PTPRD: variants seen among roughly 807,000 people sequenced by gnomAD.
PTPRD encodes protein tyrosine phosphatase receptor type D, also known as receptor-type tyrosine-protein phosphatase delta.
A neutral mutation model predicts 214.5 loss-of-function variants in PTPRD; 34 were observed. The ratio of observed to expected loss-of-function variants is 0.16; its 90% CI spans 0.12 to 0.21. PTPRD has a LOEUF of 0.21. Ranked by LOEUF, PTPRD falls within the 10% of genes least tolerant of loss-of-function variation. PTPRD has a pLI of 1.00. For missense variants in PTPRD, 2,545 were observed against 2,398.7 expected (o/e 1.06, Z -1.27); for synonymous variants, 1,128 against 845.7 (o/e 1.33, Z -5.79).
intron 14 of PTPRD, among the ~76,000 whole-genome samples, chr9:8,571,284 G>C (rs1429763058): frequency 1.3e-5 from 2 of 152,056 alleles, no homozygotes; most frequent in Non-Finnish European, 2.9e-5. Flanking sequence ...TCCCTTAAGA[G>C]GCAGGGCCAG....
intron 3 of PTPRD, among the ~76,000 whole-genome samples, chr9:10,126,792 G>C (rs1041989289): frequency 1.3e-5 from 2 of 152,098 alleles, no homozygotes; most frequent in African/African-American, 2.4e-5. Flanking sequence ...ATCACTAACT[G>C]ATAAGGTTGT....
intron 6 of PTPRD, among the ~76,000 whole-genome samples, chr9:9,739,161 G>A (rs974933978): frequency 2.0e-5 from 3 of 152,008 alleles, no homozygotes; most frequent in Admixed American, 6.6e-5. Context: ...ATGAATTCAC[G>A]TGTATATGCA....
At chr9:10,258,735 C>T (rs2475332) in intron 3 of PTPRD, among the ~76,000 whole-genome samples, 21,911 of 151,200 alleles carry the variant, frequency 0.14, 1,636 homozygotes, top group Admixed American at 0.16. Flanking sequence ...AGTCAGGTAT[C>T]GTTTTGTATC....
intron 3 of PTPRD, among the ~76,000 whole-genome samples, chr9:10,131,812 T>C (rs1162038410): frequency 6.6e-6 from 1 of 152,160 alleles, no homozygotes; most frequent in African/African-American, 2.4e-5. Context: ...AAAGGTGGAT[T>C]TGATCATTGA....
chr9:10,396,621 G>C (rs2072153770), intron 2 of PTPRD, among the ~76,000 whole-genome samples: 1 of 151,936 alleles, frequency 6.6e-6, no homozygotes, highest in African/African-American at 2.4e-5. Flanking sequence ...TTAGCTCTTA[G>C]ACACCTAGTA....
At chr9:8,433,839 A>T (rs959646881) in intron 35 of PTPRD, among the ~76,000 whole-genome samples, 2 of 152,186 alleles carry the variant, frequency 1.3e-5, no homozygotes, top group Non-Finnish European at 2.9e-5. Flanking sequence ...GCTTAAGTTT[A>T]TAGTGTTTAT....
intron 2 of PTPRD, among the ~76,000 whole-genome samples, chr9:10,494,801 G>A (rs1342840456): frequency 6.6e-6 from 1 of 151,302 alleles, no homozygotes; most frequent in African/African-American, 2.4e-5. Flanking sequence ...TTCAGATACT[G>A]TATATTAAGA....
chr9:9,147,740 A>C (rs1298368284), intron 10 of PTPRD, among the ~76,000 whole-genome samples: 2 of 152,030 alleles, frequency 1.3e-5, no homozygotes, highest in African/African-American at 4.8e-5. Context: ...CCTTTATAGA[A>C]AATGTTTGAG....
chr9:9,332,490 T>C lies in PTPRD; in HGVS notation c.-203+64959A>G, dbSNP rs76384234. Among the ~76,000 whole-genome samples, 890 of 150,382 alleles carry C rather than the reference T, an allele frequency of 5.9e-3. 8 individuals carry two copies. Among genetic ancestry groups the C allele is most frequent in the African/African-American group, 0.021 (845 of 40,902 alleles). On this transcript the variant is annotated intron_variant, in intron 9 of 45. Transcript: ENST00000381196. Reference sequence around the variant, plus strand: ...ATACCTATTATCACACTGTACCAAATATAGAAAGTAAATGCGATAGTCGAG... The same window carrying C: ...ATACCTATTATCACACTGTACCAAACATAGAAAGTAAATGCGATAGTCGAG...
chr9:8,524,111 C>G (rs1265301787), intron 18 of PTPRD, among the ~76,000 whole-genome samples: 1 of 150,758 alleles, frequency 6.6e-6, no homozygotes, highest in East Asian at 2.0e-4. Context: ...GCTTTGAGAA[C>G]TCTCGGGAAG....
intron 10 of PTPRD, among the ~76,000 whole-genome samples, chr9:9,172,837 C>T (rs892193934): frequency 6.6e-5 from 10 of 152,126 alleles, no homozygotes; most frequent in Admixed American, 4.6e-4. Context: ...AGCCTTTATC[C>T]TGCACCTGGC....
In PTPRD at chr9:9,775,570, G is replaced by C. The variant is rs535634961; in HGVS notation, c.-367-8719C>G. 3.3e-5 allele frequency among the ~76,000 whole-genome samples: 5 copies of C among 152,306 alleles called. No individual in the cohort carries two copies. In the South Asian group the frequency reaches 1.0e-3, roughly 32 times the overall value. On this transcript the variant is annotated intron_variant, in intron 5 of 45. Transcript: ENST00000381196. ...AGATTCATGCAGCATTCAGAGGCTA[G>C]AATTCCTAATTGATCTCCCCACCTT... is the stretch of plus-strand genomic sequence containing the variant.
At chr9:9,445,480 C>T (rs931645404) in intron 8 of PTPRD, among the ~76,000 whole-genome samples, 2 of 152,076 alleles carry the variant, frequency 1.3e-5, no homozygotes, top group East Asian at 1.9e-4. Context: ...CTGGATAATT[C>T]ATAAATGAAA....
intron 2 of PTPRD, among the ~76,000 whole-genome samples, chr9:10,530,640 C>G (rs1381207863): frequency 6.6e-6 from 1 of 151,894 alleles, no homozygotes; most frequent in Admixed American, 6.6e-5. Flanking sequence ...AATGATGGGA[C>G]TATGGCAAAA....
intron 4 of PTPRD, among the ~76,000 whole-genome samples, chr9:10,023,066 T>C (rs1020533518): frequency 6.6e-6 from 1 of 152,194 alleles, no homozygotes; most frequent in African/African-American, 2.4e-5. Context: ...CCTATTTTTA[T>C]ATGTATACTA....
At chr9:10,031,198 A>C (rs2097059095) in intron 4 of PTPRD, among the ~76,000 whole-genome samples, 1 of 152,112 alleles carries the variant, frequency 6.6e-6, no homozygotes, top group African/African-American at 2.4e-5. Context: ...GCTGAATTTA[A>C]GTGAATTATC....
chr9:10,253,664 C>G (rs2092992002), intron 3 of PTPRD, among the ~76,000 whole-genome samples: 1 of 152,142 alleles, frequency 6.6e-6, no homozygotes, highest in Non-Finnish European at 1.5e-5. Context: ...AGAAAAATCT[C>G]TCAGAGTGGC....
intron 4 of PTPRD, among the ~76,000 whole-genome samples, chr9:9,956,199 C>T (rs894934951): frequency 6.7e-6 from 1 of 150,288 alleles, no homozygotes; most frequent in East Asian, 2.0e-4. Context: ...AATTATGTTA[C>T]TTTTTGTTCT....
chr9:9,009,833 C>G (rs981761667), intron 11 of PTPRD, among the ~76,000 whole-genome samples: 1 of 151,892 alleles, frequency 6.6e-6, no homozygotes, highest in African/African-American at 2.4e-5. Flanking sequence ...AGATAATAAG[C>G]TATAATTTAT....
Sources: allele counts gnomAD v4.1 joint callset (sites outside exome capture counted in the v4.1 genomes callset), GRCh38; gene constraint gnomAD v4.1.1; transcripts MANE v1.5; gene names NCBI Gene and HGNC (gene_info 2026-07-23, HGNC 2026-07-21).